Variants in SLC35B3 observed in about 807,000 individuals in gnomAD.
SLC35B3 encodes the protein solute carrier family 35 member B3, also known as adenosine 3'-phospho 5'-phosphosulfate transporter 2.
In SLC35B3, 35 loss-of-function variants were observed where a neutral mutation model predicts 44.1. The ratio of observed to expected loss-of-function variants is 0.79; its 90% CI spans 0.61 to 1.05. SLC35B3 has a LOEUF of 1.05. SLC35B3 is among the 50% of genes least tolerant of loss of function. The probability of loss-of-function intolerance (pLI) is 0.00; values close to 1 mark genes in which losing one functional copy is unlikely to be tolerated. For synonymous variants in SLC35B3, 146 were observed against 167.3 expected (o/e 0.87, Z 0.98); for missense variants, 414 against 476.4 (o/e 0.87, Z 1.22).
intron 9 of SLC35B3, among the ~76,000 whole-genome samples, chr6:8,415,631 A>G (rs573768433): frequency 6.6e-6 from 1 of 152,258 alleles, no homozygotes; most frequent in Non-Finnish European, 1.5e-5. Context: ...TCATCTGTAT[A>G]TTCCAAGACT....
intron 9 of SLC35B3, among the ~76,000 whole-genome samples, 159 bp from the exon 9 acceptor site, chr6:8,415,136 CAA>C (rs1561744207): frequency 6.6e-6 from 1 of 152,158 alleles, no homozygotes; most frequent in African/African-American, 2.4e-5. Context: ...AACACACGCA[CAA>C]AAGTCACTGT....
intron 4 of SLC35B3, among the ~76,000 whole-genome samples, chr6:8,424,948 G>A (rs1040132790): frequency 6.6e-6 from 1 of 152,164 alleles, no homozygotes; most frequent in African/African-American, 2.4e-5. Context: ...AAGGTCTAAC[G>A]AGTAGCAGTA....
intron 9 of SLC35B3, among the ~76,000 whole-genome samples, chr6:8,416,595 C>T (rs953158396): frequency 2.0e-5 from 3 of 152,038 alleles, no homozygotes; most frequent in Admixed American, 6.6e-5. Flanking sequence ...CTTTGGAGGT[C>T]GTCATCTCAT....
In SLC35B3 at chr6:8,420,844, G is replaced by GT. The variant is rs770235151; in HGVS notation, c.575-17dup. On this transcript the variant is annotated splice_polypyrimidine_tract_variant and intron_variant, in intron 5 of 10. Coordinates refer to ENST00000644923, the MANE Select transcript of SLC35B3 (RefSeq NM_001370476.2). The surrounding 1 kb of genome is among the most constrained non-coding windows in gnomAD (Gnocchi z 4.4). ...TAACGCTTTCCTGTATAAAACAAAC[G>GT]TAAGTCCACTTCATTATGCAAATAC... 5.0e-5 allele frequency: 79 copies of GT among 1,575,806 alleles called. No individual in the cohort carries two copies. The highest frequency in any genetic ancestry group is 1.7e-4 in the Middle Eastern group (1 of 5,958).
At position 8,432,675 on chromosome 6, in the gene SLC35B3, C is replaced by G. The variant is rs79505595; in HGVS notation, c.3+1710G>C. Among the ~76,000 whole-genome samples, 1,485 of 152,242 alleles carry G rather than the reference C, an allele frequency of 9.8e-3. 30 individuals are homozygous for G. The highest frequency in any genetic ancestry group is 0.034 in the African/African-American group (1,394 of 41,542). On this transcript the variant is annotated intron_variant, in intron 2 of 10. Transcript: ENST00000644923. This position sits in a 1 kb window ranked among gnomAD's most constrained non-coding sequence, Gnocchi z 4.8. ...TGGGAGGAGTTAAAAATGTGCCTAT[C>G]ACAGGATTTTGGTTAGGACTATATG...
chr6:8,414,906 A>T lies in SLC35B3; in HGVS notation c.1055+2T>A. On this transcript the variant is annotated splice_donor_variant, in intron 10 of 10. Coordinates refer to ENST00000644923, the MANE Select transcript of SLC35B3 (RefSeq NM_001370476.2). LOFTEE classifies it high-confidence loss of function. ...AAAATTGTTTAATTAAGAAGTACTT[A>T]CTGAAACGTGAATGGTTTAGCAAAG... The T allele has an allele frequency of 6.4e-7, 1 of 1,558,868 alleles. No homozygotes were observed. Among genetic ancestry groups the T allele is most frequent in the Non-Finnish European group, 8.8e-7 (1 of 1,138,914 alleles).
At position 8,430,283 on chromosome 6, in the gene SLC35B3, C is replaced by T; in HGVS notation, c.4-126G>A. The T allele has an allele frequency of 3.5e-6, 3 of 863,556 alleles. No individual in the cohort carries two copies. The South Asian group carries it at 7.1e-5, about 20-fold the overall frequency. 53.5% of individuals were successfully genotyped at this position (863,556 alleles called of 1,614,324 possible). On this transcript the variant is annotated intron_variant, in intron 2 of 10. Coordinates refer to ENST00000644923, the MANE Select transcript of SLC35B3 (RefSeq NM_001370476.2). ...TCTCTGGATATTAGTATATTAATTC[C>T]TGTATTCTAGGTTCCAAATCACCAA... is the stretch of plus-strand genomic sequence containing the variant.
At position 8,413,592 on chromosome 6, in the gene SLC35B3, G is replaced by A. The variant is rs1466564596; in HGVS notation, c.1163C>T (p.Ser388Leu). Residue 388 changes from serine (S) to leucine (L), a missense_variant, in exon 11 of 11, where the codon TCA becomes TTA. Transcript: ENST00000644923. Reference sequence around the variant, plus strand: ...CGTCCTTGACTTTCTTGCTTCCACTGATTTGTTTATCAAATCATACAGTGA... The same window carrying A: ...CGTCCTTGACTTTCTTGCTTCCACTAATTTGTTTATCAAATCATACAGTGA... The A allele has an allele frequency of 6.2e-7, 1 of 1,609,274 alleles. No homozygotes were observed. The highest frequency in any genetic ancestry group is 8.5e-7 in the Non-Finnish European group (1 of 1,178,076).
At position 8,430,002 on chromosome 6, in the gene SLC35B3, T is replaced by G. The variant is rs146380653; in HGVS notation, c.159A>C (p.Gln53His). The change falls in exon 3 of 11, where the codon CAA (glutamine) becomes CAC (histidine). Residue 53 changes from glutamine (Q) to histidine (H), a missense_variant. Transcript: ENST00000644923. ...CTGACTTGATGTGTGGTGACATTGT[T>G]TGGGTTTTGGATGGCACAGTGATAG... 11 of 1,613,858 alleles carry G rather than the reference T, an allele frequency of 6.8e-6. No homozygotes were observed. In the African/African-American group the frequency reaches 1.5e-4, roughly 22 times the overall value.
chr6:8,428,470 A>G (rs1303631560), intron 3 of SLC35B3, among the ~76,000 whole-genome samples: 3 of 152,182 alleles, frequency 2.0e-5, no homozygotes, highest in African/African-American at 7.2e-5. Flanking sequence ...TATAAAAAAC[A>G]CTTCATTACC....
In SLC35B3 at chr6:8,412,209, A is replaced by G. The variant is rs1310199757; in HGVS notation, c.*1340T>C. On this transcript the variant is annotated 3_prime_UTR_variant, in exon 11 of 11. Transcript: ENST00000644923. ...AAATCTGCCAGCACCTCCATCTTGGACTTCCAGACATCAGAACTGTGGGAA... is the reference window on the plus strand; with the variant it reads ...AAATCTGCCAGCACCTCCATCTTGGGCTTCCAGACATCAGAACTGTGGGAA... Among the ~76,000 whole-genome samples, 3 of 152,282 alleles carry G rather than the reference A, an allele frequency of 2.0e-5. No homozygotes were observed. The South Asian group carries it at 6.2e-4, about 32-fold the overall frequency.
chr6:8,413,492 GTTAA>G lies in SLC35B3; in HGVS notation c.*53_*56del, dbSNP rs1292890715. ...TGGTTTTTATCAGTCCCTTTGGAAAGTTAATTAATTGATGATTGTTCCCTTAAAA... is the reference window on the plus strand; with the variant it reads ...TGGTTTTTATCAGTCCCTTTGGAAAGTTAATTGATGATTGTTCCCTTAAAA... On this transcript the variant is annotated 3_prime_UTR_variant, in exon 11 of 11. Transcript: ENST00000644923. 17 of 1,465,490 alleles carry G rather than the reference GTTAA, an allele frequency of 1.2e-5. No individual in the cohort carries two copies. The highest frequency in any genetic ancestry group is 3.8e-5 in the South Asian group (3 of 78,686). 90.8% of individuals were successfully genotyped at this position (1,465,490 alleles called of 1,614,324 possible).
rs891021672 is a variant in SLC35B3 at position 8,434,132 on chromosome 6, A to T, written c.3+253T>A. 7.2e-5 allele frequency among the ~76,000 whole-genome samples: 11 copies of T among 151,874 alleles called. No individual in the cohort carries two copies. The highest frequency in any genetic ancestry group is 2.7e-4 in the African/African-American group (11 of 41,342). The stretch of plus-strand genomic sequence containing the variant: ...TATTCAACTTCAACTGCTAAAATGG[A>T]ATAAAAAGGTAGCATTTCCGGCATA... On this transcript the variant is annotated intron_variant, in intron 2 of 10. Transcript: ENST00000644923. The surrounding 1 kb of genome is among the most constrained non-coding windows in gnomAD (Gnocchi z 6.3).
intron 4 of SLC35B3, among the ~76,000 whole-genome samples, chr6:8,426,663 C>T (rs1190119197): frequency 4.6e-5 from 7 of 152,102 alleles, no homozygotes; most frequent in Admixed American, 4.6e-4. Flanking sequence ...TCGGGTATGT[C>T]TTTATCAGCA....
rs141013055 is a variant in SLC35B3, at chr6:8,417,340, G to A, written c.873+62C>T. 870 of 1,039,748 alleles carry A rather than the reference G, an allele frequency of 8.4e-4. 1 individual carries two copies. The African/African-American group carries it at 0.011, about 13-fold the overall frequency. 64.4% of individuals were successfully genotyped at this position (1,039,748 alleles called of 1,614,324 possible). On this transcript the variant is annotated intron_variant, in intron 8 of 10. Coordinates refer to ENST00000644923, the MANE Select transcript of SLC35B3 (RefSeq NM_001370476.2). Reference sequence around the variant, plus strand: ...ATAGCCTCTTTTGAACAAGGGAAATGAGAAATTTAGAGAAAATTATTTAAC... The same window carrying A: ...ATAGCCTCTTTTGAACAAGGGAAATAAGAAATTTAGAGAAAATTATTTAAC...
intron 4 of SLC35B3, among the ~76,000 whole-genome samples, chr6:8,422,968 A>G (rs1163057703): frequency 1.3e-5 from 2 of 151,886 alleles, no homozygotes; most frequent in Non-Finnish European, 2.9e-5. Context: ...AACCATCTTA[A>G]GTTAGAGAAA....
Position 8,416,984 on chromosome 6 carries a change from C to T in SLC35B3, c.885G>A (p.Arg295=), listed in dbSNP as rs1762469410. 6.3e-7 allele frequency: 1 copy of T among 1,581,288 alleles called. No homozygotes were observed. The stretch of plus-strand genomic sequence containing the variant: ...AAAAAAGGAACGCATAACCATAGGT[C>T]CGAACTGGATTCTGCAAAAAATAAA... Residue 295 remains arginine (R), a synonymous_variant, in exon 9 of 11, where the codon CGG becomes CGA. Transcript: ENST00000644923.
chr6:8,427,748 A>T, intron 4 of SLC35B3, 189 bp downstream of exon 3: 1 of 427,032 alleles, frequency 2.3e-6, no homozygotes, highest in Non-Finnish European at 4.1e-6. Context: ...ATTTTGTAAT[A>T]CTGCATTTAA....
rs193301589 is a variant in SLC35B3, at chr6:8,412,790, A to G, written c.*759T>C. Among the ~76,000 whole-genome samples, 41 of 152,320 alleles carry G rather than the reference A, an allele frequency of 2.7e-4. No homozygotes were observed. The highest frequency in any genetic ancestry group is 8.9e-4 in the African/African-American group (37 of 41,576). On this transcript the variant is annotated 3_prime_UTR_variant, in exon 11 of 11. Transcript: ENST00000644923. ...CCCAAACCCCTTGCATATGCGGTTCATAACAGGGTTCCCGCTGCTATGAGA... is the reference window on the plus strand; with the variant it reads ...CCCAAACCCCTTGCATATGCGGTTCGTAACAGGGTTCCCGCTGCTATGAGA...
Sources: gnomAD v4.1 joint callset for allele counts (sites outside exome capture counted in the v4.1 genomes callset) on GRCh38, gnomAD v4.1.1 for gene constraint, Gnocchi (gnomAD v3.1) non-coding constraint, MANE v1.5 for transcripts, NCBI Gene and HGNC (gene_info 2026-07-23, HGNC 2026-07-21) for gene names.